The following ABCC1 variants were observed in gnomAD, a reference collection of about 807,000 sequenced individuals.
ABCC1 encodes the protein multidrug resistance-associated protein 1.
A neutral mutation model predicts 172.9 loss-of-function variants in ABCC1; 83 were observed. The observed-to-expected ratio is 0.48, with a 90% CI of 0.40 to 0.58. ABCC1 has a LOEUF of 0.58. Ranked by LOEUF, ABCC1 falls within the 20% of genes least tolerant of loss-of-function variation. The pLI is 0.00. For synonymous variants in ABCC1, 937 were observed against 825.2 expected, an observed-to-expected ratio of 1.14 and a Z score of -2.32; for missense variants, 1,817 against 2,002.7, an observed-to-expected ratio of 0.91 and a Z score of 1.77.
At chr16:15,960,758 C>G (rs1406977138) in intron 1 of ABCC1, among the ~76,000 whole-genome samples, 1 of 152,036 alleles carries the variant, frequency 6.6e-6, no homozygotes. Context: ...GTGCATAGGC[C>G]TTGAGGAAGA....
chr16:16,078,795 G>C (rs1450656394), intron 15 of ABCC1, among the ~76,000 whole-genome samples: 1 of 152,148 alleles, frequency 6.6e-6, no homozygotes, highest in East Asian at 1.9e-4. Flanking sequence ...TTGTGCCTCA[G>C]CCTCCTCAGT....
chr16:16,057,552 A>C (rs1362402815), intron 12 of ABCC1, among the ~76,000 whole-genome samples: 1 of 151,836 alleles, frequency 6.6e-6, no homozygotes, highest in African/African-American at 2.4e-5. Context: ...AAAAAAATAC[A>C]GAAAGATATA....
intron 11 of ABCC1, among the ~76,000 whole-genome samples, chr16:16,054,395 C>T (rs16967096): frequency 0.033 from 5,086 of 152,148 alleles, 151 homozygotes; most frequent in African/African-American, 0.074. Flanking sequence ...TGTGCTGTGC[C>T]GTATAGCTTC....
chr16:16,002,647 C>T (rs1247527500), intron 1 of ABCC1, among the ~76,000 whole-genome samples: 1 of 151,952 alleles, frequency 6.6e-6, no homozygotes, highest in Admixed American at 6.6e-5. Flanking sequence ...TGGTGTGTGC[C>T]TGTGGTCCTA....
At chr16:15,960,649 A>G (rs1344441563) in intron 1 of ABCC1, among the ~76,000 whole-genome samples, 1 of 152,158 alleles carries the variant, frequency 6.6e-6, no homozygotes, top group Non-Finnish European at 1.5e-5. Flanking sequence ...ATGTCCACAG[A>G]AGGCCTTTCG....
At chr16:16,105,771 T>C (rs1267586403) in intron 20 of ABCC1, among the ~76,000 whole-genome samples, 3 of 149,654 alleles carry the variant, frequency 2.0e-5, no homozygotes, top group Non-Finnish European at 4.4e-5. Context: ...GAGTGCAGTG[T>C]GCAGTGGCGC....
intron 29 of ABCC1, among the ~76,000 whole-genome samples, chr16:16,137,331 G>T (rs545817401): frequency 2.6e-5 from 4 of 152,222 alleles, no homozygotes; most frequent in African/African-American, 9.6e-5. Context: ...GGTATGTTCC[G>T]TGCATCCCTC....
intron 1 of ABCC1, among the ~76,000 whole-genome samples, chr16:16,003,013 CA>C (rs1358033031): frequency 1.3e-5 from 2 of 152,096 alleles, no homozygotes; most frequent in African/African-American, 2.4e-5. Flanking sequence ...AGAGTTTTAG[CA>C]CACAAATATA....
At chr16:15,971,510 C>T (rs756672185) in intron 1 of ABCC1, among the ~76,000 whole-genome samples, 2 of 152,184 alleles carry the variant, frequency 1.3e-5, no homozygotes, top group Non-Finnish European at 2.9e-5. Flanking sequence ...ACCCCTTTTC[C>T]TCTCTATTTG....
At chr16:16,008,842 CAA>C (rs1208088210) in intron 2 of ABCC1, among the ~76,000 whole-genome samples, 123 of 60,224 alleles carry the variant, frequency 2.0e-3, no homozygotes, top group African/African-American at 6.7e-3. Context: ...GACTCCTTCT[CAA>C]AAAAAAAAAA....
rs569079533 is a variant in ABCC1, at chr16:16,044,750, C to T, written c.1040+70C>T. ...GCTTTGATCTTTCAGTTGCATCAGT[C>T]ATAACCCTGGGGTCATGCTGTGTCC... On this transcript the variant is annotated intron_variant, in intron 8 of 30. Transcript: ENST00000399410. 17 of 1,419,972 alleles carry T rather than the reference C, an allele frequency of 1.2e-5. No homozygotes were observed. In the African/African-American group the frequency reaches 2.4e-4, roughly 20 times the overall value. 88.0% of individuals were successfully genotyped at this position (1,419,972 alleles called of 1,614,324 possible). A position where few individuals can be genotyped will look rare whatever the true frequency, so the allele number is the denominator to read the frequency against.
At chr16:16,030,212 A>G (rs1193781908) in intron 5 of ABCC1, among the ~76,000 whole-genome samples, 7 of 152,154 alleles carry the variant, frequency 4.6e-5, no homozygotes, top group Admixed American at 3.3e-4. Context: ...TCCAGCGTCA[A>G]TATGAAATTT....
intron 1 of ABCC1, among the ~76,000 whole-genome samples, chr16:16,006,864 G>A (rs1267131421): frequency 6.6e-6 from 1 of 151,448 alleles, no homozygotes; most frequent in African/African-American, 2.4e-5. Context: ...GGTGGCGGTG[G>A]CGGTGGCGGT....
At chr16:15,997,507 T>C (rs865918851) in intron 1 of ABCC1, among the ~76,000 whole-genome samples, 15 of 152,156 alleles carry the variant, frequency 9.9e-5, no homozygotes, top group African/African-American at 3.6e-4. Flanking sequence ...CTGAATTGTG[T>C]GTCTGGAGAG....
At chr16:16,075,459 T>G (rs1465058583) in intron 14 of ABCC1, among the ~76,000 whole-genome samples, 1 of 151,524 alleles carries the variant, frequency 6.6e-6, no homozygotes, top group African/African-American at 2.4e-5. Flanking sequence ...ACCCCACCTC[T>G]ACAAAAAATA....
At chr16:16,081,476 G>A (rs145613869) in intron 16 of ABCC1, among the ~76,000 whole-genome samples, 1,532 of 152,244 alleles carry the variant, frequency 0.01, 12 homozygotes, top group Middle Eastern at 0.024. Flanking sequence ...TGGTTGTTTG[G>A]CCTAGGTAAG....
intron 13 of ABCC1, 57 bp from the exon 14 acceptor site, chr16:16,071,585 G>A: frequency 6.8e-7 from 1 of 1,478,008 alleles, no homozygotes; most frequent in Non-Finnish European, 9.4e-7. Context: ...AACCTTGGTT[G>A]GTTTTGCAAA....
At chr16:16,019,578 G>A (rs1567319490) in intron 5 of ABCC1, among the ~76,000 whole-genome samples, 1 of 152,158 alleles carries the variant, frequency 6.6e-6, no homozygotes, top group Non-Finnish European at 1.5e-5. Context: ...TCTTGCCATG[G>A]ATGGTTCTGG....
At chr16:16,081,419 G>T (rs1184610178) in intron 16 of ABCC1, among the ~76,000 whole-genome samples, 1 of 152,180 alleles carries the variant, frequency 6.6e-6, no homozygotes, top group Non-Finnish European at 1.5e-5. Context: ...CCAGCTTTCT[G>T]CTATCCTGGC....
Sources: gnomAD v4.1 joint callset for allele counts (sites outside exome capture counted in the v4.1 genomes callset) on GRCh38, gnomAD v4.1.1 for gene constraint, MANE v1.5 for transcripts, NCBI Gene and HGNC (gene_info 2026-07-23, HGNC 2026-07-21) for gene names.